Variants in DNAH14 observed in about 807,000 individuals in gnomAD.
DNAH14 encodes axonemal beta dynein heavy chain 14.
DNAH14 carries 478 observed loss-of-function variants against 520.9 expected under a neutral mutation model. The observed-to-expected ratio is 0.92, with a 90% CI of 0.85 to 0.99. DNAH14 has a LOEUF of 0.99. Among genes scored for constraint, DNAH14 ranks in the 50% least tolerant of loss-of-function variants. The probability of loss-of-function intolerance (pLI) is 0.00; values close to 1 mark genes in which losing one functional copy is unlikely to be tolerated. For synonymous variants in DNAH14, 1,581 were observed against 1,757.2 expected, an observed-to-expected ratio of 0.90 and a Z score of 2.51; for missense variants, 4,831 against 5,234.5, an observed-to-expected ratio of 0.92 and a Z score of 2.38.
intron 43 of DNAH14, among the ~76,000 whole-genome samples, chr1:225,242,187 T>C (rs1270710227): frequency 6.6e-6 from 1 of 152,146 alleles, no homozygotes; most frequent in African/African-American, 2.4e-5. Flanking sequence ...TGAGCCATGA[T>C]TGTGCTCCTG....
intron 3 of DNAH14, among the ~76,000 whole-genome samples, chr1:224,955,345 G>A (rs1480892652): frequency 6.6e-6 from 1 of 152,098 alleles, no homozygotes; most frequent in Non-Finnish European, 1.5e-5. Context: ...TGATATGTCT[G>A]TACCACTTTA....
At chr1:225,006,585 G>A (rs530523923) in intron 9 of DNAH14, among the ~76,000 whole-genome samples, 8 of 152,236 alleles carry the variant, frequency 5.3e-5, no homozygotes, top group Non-Finnish European at 1.0e-4. Flanking sequence ...CTCCTGCAGC[G>A]CCCTCAGGCT....
Position 225,147,130 on chromosome 1 carries a change from A to G in DNAH14, c.4821A>G (p.Leu1607=). The change falls in exon 31 of 86, where the codon CTA becomes CTG. Residue 1607 remains leucine (L), a synonymous_variant. Coordinates refer to ENST00000682510, the MANE Select transcript of DNAH14 (RefSeq NM_001367479.1). ...TAGTGAGAAAATTTTTCTTTGGACT[A>G]GTTCAGTCAGGAGCATGGAGTTGTT... The part of the protein sequence containing the change: ...YKIVRKFFFG[L]VQSGAWSCFD... 1.3e-6 allele frequency: 2 copies of G among 1,539,020 alleles called. No homozygotes were observed. Among genetic ancestry groups the G allele is most frequent in the Non-Finnish European group, 1.7e-6 (2 of 1,143,192 alleles).
chr1:225,253,403 C>G (rs2092627229), intron 44 of DNAH14, among the ~76,000 whole-genome samples: 1 of 152,154 alleles, frequency 6.6e-6, no homozygotes, highest in Non-Finnish European at 1.5e-5. Flanking sequence ...GCCACTTCCT[C>G]TAATTGCAGG....
At chr1:225,242,945 T>C (rs563059603) in intron 43 of DNAH14, among the ~76,000 whole-genome samples, 1 of 152,332 alleles carries the variant, frequency 6.6e-6, no homozygotes, top group African/African-American at 2.4e-5. Flanking sequence ...CAGTCCATGA[T>C]TGTTAAAACA....
intron 49 of DNAH14, 46 bp from the exon 50 acceptor site, chr1:225,270,689 T>C: frequency 6.6e-7 from 1 of 1,520,576 alleles, no homozygotes; most frequent in Non-Finnish European, 8.9e-7. Flanking sequence ...ATACTTCACT[T>C]CCTACAGATA....
chr1:225,199,665 G>C (rs1272440313), intron 38 of DNAH14, among the ~76,000 whole-genome samples: 2 of 152,068 alleles, frequency 1.3e-5, no homozygotes, highest in Non-Finnish European at 2.9e-5. Context: ...TTTTGGACTT[G>C]ATTTCCAATT....
At chr1:225,103,342 CT>C (rs1483587148) in intron 23 of DNAH14, among the ~76,000 whole-genome samples, 1 of 152,114 alleles carries the variant, frequency 6.6e-6, no homozygotes, top group Non-Finnish European at 1.5e-5. Flanking sequence ...CAGCTTTGTT[CT>C]TTTGGCTTAG....
At chr1:224,942,102 A>G (rs1433964137) in intron 1 of DNAH14, among the ~76,000 whole-genome samples, 1 of 152,134 alleles carries the variant, frequency 6.6e-6, no homozygotes, top group Non-Finnish European at 1.5e-5. Flanking sequence ...CTTGGGCAGT[A>G]TGGCCATTTT....
At chr1:225,243,066 C>T (rs765527934) in intron 43 of DNAH14, among the ~76,000 whole-genome samples, 8 of 152,096 alleles carry the variant, frequency 5.3e-5, no homozygotes, top group Non-Finnish European at 8.8e-5. Flanking sequence ...AAAAGCATTG[C>T]GTGTTAATTT....
At chr1:225,298,131 C>T (rs12757631) in intron 55 of DNAH14, among the ~76,000 whole-genome samples, 27,368 of 151,868 alleles carry the variant, frequency 0.18, 2,639 homozygotes, top group East Asian at 0.34. Flanking sequence ...CCAGGGGCAA[C>T]CCATGTAGCT....
In DNAH14 at chr1:224,966,800, C is replaced by CTGATGTTG. The variant is rs1572110099; in HGVS notation, c.499-631_499-630insTGATGTTG. On this transcript the variant is annotated intron_variant, in intron 5 of 85. Transcript: ENST00000682510. ...CTCTTGGGCTCAAGTGACCTCACCT[C>CTGATGTTG]AGCTTCCTGAGTAGTTGAGATTACA... Among the ~76,000 whole-genome samples, 13 of 152,310 alleles carry CTGATGTTG rather than the reference C, an allele frequency of 8.5e-5. No individual in the cohort carries two copies. The East Asian group carries it at 2.1e-3, about 25-fold the overall frequency.
chr1:225,069,293 G>A (rs2071273453), intron 17 of DNAH14, among the ~76,000 whole-genome samples: 1 of 152,124 alleles, frequency 6.6e-6, no homozygotes, highest in Non-Finnish European at 1.5e-5. Flanking sequence ...CAGTTTTTAA[G>A]GGGAATGCTT....
intron 77 of DNAH14, among the ~76,000 whole-genome samples, chr1:225,371,116 T>C (rs1401308304): frequency 6.6e-6 from 1 of 152,192 alleles, no homozygotes; most frequent in African/African-American, 2.4e-5. Flanking sequence ...CTCCCTAGTG[T>C]ATTTTATGAA....
At chr1:225,199,355 G>A (rs935326954) in intron 38 of DNAH14, among the ~76,000 whole-genome samples, 23 of 151,536 alleles carry the variant, frequency 1.5e-4, no homozygotes, top group African/African-American at 5.3e-4. Context: ...CTCTGATCTC[G>A]GTTATTTTCT....
At chr1:224,999,640 C>T (rs2063620027) in intron 8 of DNAH14, among the ~76,000 whole-genome samples, 2 of 151,890 alleles carry the variant, frequency 1.3e-5, no homozygotes, top group South Asian at 4.1e-4. Flanking sequence ...GTTCTCTCTG[C>T]TGTTTGTTTC....
intron 17 of DNAH14, among the ~76,000 whole-genome samples, chr1:225,058,568 G>A (rs998491697): frequency 6.6e-6 from 1 of 152,128 alleles, no homozygotes; most frequent in African/African-American, 2.4e-5. Flanking sequence ...CTTGCCTTCT[G>A]AAAGCTTTTG....
rs2072975463 is a variant in DNAH14, at chr1:225,080,365, C to T, written c.2767-14C>T. 2.0e-6 allele frequency: 3 copies of T among 1,506,744 alleles called. No homozygotes were observed. The highest frequency in any genetic ancestry group is 2.7e-6 in the Non-Finnish European group (3 of 1,127,794). 93.3% of individuals were successfully genotyped at this position (1,506,744 alleles called of 1,614,324 possible). The stretch of plus-strand genomic sequence containing the variant: ...TACTGATTTCTCTTAGAAAGTCCTA[C>T]TCTTATTTTTTAGATAAGAACTCCT... On this transcript the variant is annotated splice_polypyrimidine_tract_variant and intron_variant, in intron 18 of 85. Transcript: ENST00000682510.
At chr1:225,348,581 G>A (rs1359764492) in intron 71 of DNAH14, among the ~76,000 whole-genome samples, 2 of 152,134 alleles carry the variant, frequency 1.3e-5, no homozygotes, top group Non-Finnish European at 2.9e-5. Flanking sequence ...TATTCAAAGT[G>A]CTAAAAGAAA....
Sources: gnomAD v4.1 joint callset for allele counts (sites outside exome capture counted in the v4.1 genomes callset) on GRCh38, gnomAD v4.1.1 for gene constraint, MANE v1.5 for transcripts, NCBI Gene and HGNC (gene_info 2026-07-23, HGNC 2026-07-21) for gene names.